CFAP97D2: variants seen among roughly 807,000 people sequenced by gnomAD.
CFAP97D2 encodes CFAP97 domain containing 2, also known as uncharacterized protein CFAP97D2.
chr13:114,185,326 C>T lies in CFAP97D2; in HGVS notation c.90+5906C>T, dbSNP rs757721639. On this transcript the variant is annotated intron_variant, in intron 1 of 4. Coordinates refer to ENST00000646158, the Ensembl canonical transcript of CFAP97D2. The surrounding 1 kb of genome is among the most constrained non-coding windows in gnomAD (Gnocchi z 5.2). The stretch of plus-strand genomic sequence containing the variant: ...GGAGCCAGGCCGAGCTGCCTGCTGA[C>T]GGGAGAGCAGTGCAGTTGGGCACAC... 4.6e-4 allele frequency among the ~76,000 whole-genome samples: 70 copies of T among 152,296 alleles called. No homozygotes were observed. The highest frequency in any genetic ancestry group is 6.8e-3 in the Middle Eastern group (2 of 294).
intron 3 of CFAP97D2, among the ~76,000 whole-genome samples, chr13:114,202,869 C>T (rs575432767): frequency 1.3e-5 from 2 of 152,090 alleles, no homozygotes; most frequent in Non-Finnish European, 2.9e-5. Flanking sequence ...AGAGTCACGC[C>T]GAGAAGACCT....
Position 114,220,628 on chromosome 13 carries a change from C to G in CFAP97D2, c.481-1870C>G, listed in dbSNP as rs1188308534. On this transcript the variant is annotated intron_variant, in intron 4 of 4. Coordinates refer to ENST00000646158, the Ensembl canonical transcript of CFAP97D2. ...CCATCCTGGCACTTCCTGGAGCCCCCAGCTAACTGGAAGTATGCATTGCTC... is the reference window on the plus strand; with the variant it reads ...CCATCCTGGCACTTCCTGGAGCCCCGAGCTAACTGGAAGTATGCATTGCTC... 2.6e-5 allele frequency among the ~76,000 whole-genome samples: 4 copies of G among 152,238 alleles called. No homozygotes were observed. The South Asian group carries it at 8.3e-4, about 31-fold the overall frequency.
At chr13:114,199,380 C>T (rs1404878241) in intron 2 of CFAP97D2, among the ~76,000 whole-genome samples, 1 of 72,142 alleles carries the variant, frequency 1.4e-5, no homozygotes, top group Non-Finnish European at 2.6e-5. Flanking sequence ...CGAGGCGTGA[C>T]GGCGCGTCCC....
intron 3 of CFAP97D2, among the ~76,000 whole-genome samples, chr13:114,202,824 T>C (rs1340991263): frequency 2.0e-5 from 3 of 152,166 alleles, no homozygotes; most frequent in Non-Finnish European, 4.4e-5. Flanking sequence ...CAAGATCCCC[T>C]TGGTCTGGTT....
chr13:114,191,975 C>T (rs2080870999), intron 1 of CFAP97D2, among the ~76,000 whole-genome samples: 1 of 140,602 alleles, frequency 7.1e-6, no homozygotes, highest in Non-Finnish European at 1.5e-5. Context: ...GGAGCCAATG[C>T]TAAAAGACTG....
intron 4 of CFAP97D2, among the ~76,000 whole-genome samples, chr13:114,220,897 C>T (rs960271275): frequency 2.6e-5 from 4 of 152,252 alleles, no homozygotes; most frequent in Admixed American, 2.6e-4. Context: ...ACAGGAACCA[C>T]CTCCTGGACC....
chr13:114,201,560 C>T (rs2080918274), intron 3 of CFAP97D2, among the ~76,000 whole-genome samples: 1 of 152,170 alleles, frequency 6.6e-6, no homozygotes, highest in African/African-American at 2.4e-5. Flanking sequence ...TTACTGTGGG[C>T]TTCCAGGGCT....
intron 1 of CFAP97D2, among the ~76,000 whole-genome samples, chr13:114,182,469 C>T (rs376983983): frequency 5.3e-5 from 8 of 151,900 alleles, no homozygotes; most frequent in South Asian, 2.1e-4. Flanking sequence ...TTTACTAATC[C>T]ACCTCAGCAC....
chr13:114,195,906 C>T lies in CFAP97D2; in HGVS notation c.91-490C>T, dbSNP rs538685772. 2.6e-5 allele frequency among the ~76,000 whole-genome samples: 3 copies of T among 116,448 alleles called. No homozygotes were observed. The South Asian group carries it at 9.1e-4, about 35-fold the overall frequency. 76.4% of individuals were successfully genotyped at this position (116,448 alleles called of 152,430 possible). Reference sequence around the variant, plus strand: ...CTAATGCGTTGAAACCCTGTCTCTACTAAAAATTACAAAAAAAAAAAAAAA... The same window carrying T: ...CTAATGCGTTGAAACCCTGTCTCTATTAAAAATTACAAAAAAAAAAAAAAA... On this transcript the variant is annotated intron_variant, in intron 1 of 4. Coordinates refer to ENST00000646158, the Ensembl canonical transcript of CFAP97D2.
At chr13:114,190,532 TAAC>T (rs2080865782) in intron 1 of CFAP97D2, among the ~76,000 whole-genome samples, 1 of 152,190 alleles carries the variant, frequency 6.6e-6, no homozygotes, top group Non-Finnish European at 1.5e-5. Context: ...AAAAACATGA[TAAC>T]AATTATATTA....
intron 4 of CFAP97D2, among the ~76,000 whole-genome samples, chr13:114,218,821 C>T (rs1312750171): frequency 6.6e-6 from 1 of 152,100 alleles, no homozygotes; most frequent in East Asian, 1.9e-4. Flanking sequence ...ACTGGCTAGC[C>T]ACATGTAGAA....
intron 4 of CFAP97D2, among the ~76,000 whole-genome samples, chr13:114,215,254 T>C (rs1016216847): frequency 6.6e-6 from 1 of 152,240 alleles, no homozygotes; most frequent in African/African-American, 2.4e-5. Flanking sequence ...AATTGTCTGT[T>C]CATAGCCTTT....
chr13:114,221,579 C>T (rs2081022313), intron 4 of CFAP97D2, among the ~76,000 whole-genome samples: 1 of 152,142 alleles, frequency 6.6e-6, no homozygotes, highest in African/African-American at 2.4e-5. Context: ...TGTCTGCAAT[C>T]AAAAGGTAGA....
chr13:114,214,292 T>C (rs1289767433), intron 4 of CFAP97D2: 2 of 152,232 alleles, frequency 1.3e-5, no homozygotes, highest in African/African-American at 4.8e-5. Context: ...CAAGTACCTG[T>C]GCAAAGACGC....
intron 4 of CFAP97D2, among the ~76,000 whole-genome samples, chr13:114,217,538 A>T (rs2081000967): frequency 6.6e-6 from 1 of 152,236 alleles, no homozygotes; most frequent in African/African-American, 2.4e-5. Flanking sequence ...GGCCAGCATC[A>T]TCCTGATACC....
chr13:114,180,079 G>A (rs775868750), intron 1 of CFAP97D2, among the ~76,000 whole-genome samples: 16 of 152,220 alleles, frequency 1.1e-4, no homozygotes, highest in Non-Finnish European at 1.9e-4. Flanking sequence ...TGAGGGCATC[G>A]CCATGCAGAT....
At position 114,185,016 on chromosome 13, in the gene CFAP97D2, G is replaced by A. The variant is rs989893890; in HGVS notation, c.90+5596G>A. The stretch of plus-strand genomic sequence containing the variant: ...CATCATGTCAGTTGCAGTGGGTGGG[G>A]GGTGGTGCATGGGTGGTGGTGGTGG... On this transcript the variant is annotated intron_variant, in intron 1 of 4. Transcript: ENST00000646158. The surrounding 1 kb of genome is among the most constrained non-coding windows in gnomAD (Gnocchi z 5.2). Among the ~76,000 whole-genome samples the A allele has an allele frequency of 6.6e-6, 1 of 152,202 alleles. No individual in the cohort carries two copies. The highest frequency in any genetic ancestry group is 2.4e-5 in the African/African-American group (1 of 41,450).
At chr13:114,222,764 A>G (rs756008931), downstream of CFAP97D2, 21 of 382,056 alleles carry the variant, frequency 5.5e-5, no homozygotes, top group Non-Finnish European at 9.2e-5. The surrounding 1 kb of genome is among the most constrained non-coding windows in gnomAD (Gnocchi z 4.4). Context: ...CAGCCGGAGC[A>G]GCTGTGAAGT....
intron 4 of CFAP97D2, among the ~76,000 whole-genome samples, chr13:114,218,614 T>C (rs1376156075): frequency 6.6e-6 from 1 of 152,198 alleles, no homozygotes; most frequent in African/African-American, 2.4e-5. Flanking sequence ...TCATGTTACC[T>C]GACTTCAAAC....
Sources: allele counts gnomAD v4.1 joint callset (sites outside exome capture counted in the v4.1 genomes callset), GRCh38; gene constraint gnomAD v4.1.1; non-coding constraint Gnocchi (gnomAD v3.1); transcripts MANE v1.5; gene names NCBI Gene and HGNC (gene_info 2026-07-23, HGNC 2026-07-21).